Variants in MBP observed in about 807,000 individuals in gnomAD.
MBP encodes the protein myelin basic protein, also known as Golli-MBP.
MBP carries 16 observed loss-of-function variants against 35.8 expected under a neutral mutation model. That is an observed-to-expected ratio of 0.45 (90% CI 0.30 to 0.68). MBP has a LOEUF of 0.68. MBP is among the 30% of genes least tolerant of loss of function. MBP has a pLI of 0.08. For missense variants in MBP, 380 were observed against 404.7 expected (o/e 0.94, Z 0.52); for synonymous variants, 143 against 159.6 (o/e 0.90, Z 0.78).
intron 4 of MBP, among the ~76,000 whole-genome samples, chr18:77,009,265 C>T (rs902777663): frequency 1.4e-4 from 22 of 152,166 alleles, no homozygotes; most frequent in Non-Finnish European, 2.8e-4. Flanking sequence ...TTTGAGAAGC[C>T]GTGGCAGCCA....
intron 3 of MBP, among the ~76,000 whole-genome samples, chr18:77,019,779 T>G (rs115960161): frequency 0.013 from 2,024 of 151,766 alleles, 56 homozygotes; most frequent in African/African-American, 0.047. Flanking sequence ...CTTGGGGAAG[T>G]TGGGGAGGGT....
intron 2 of MBP, among the ~76,000 whole-genome samples, chr18:77,098,280 C>T (rs1351722278): frequency 1.3e-5 from 2 of 150,476 alleles, no homozygotes; most frequent in South Asian, 4.2e-4. Context: ...TGTGGACTCA[C>T]TCACTTTACA....
intron 1 of MBP, among the ~76,000 whole-genome samples, chr18:77,110,851 A>C (rs1976425577): frequency 6.6e-6 from 1 of 152,238 alleles, no homozygotes; most frequent in South Asian, 2.1e-4. Flanking sequence ...AAATCTAACC[A>C]GCAGGATCCA....
intron 3 of MBP, among the ~76,000 whole-genome samples, chr18:77,047,031 T>C (rs1184256878): frequency 6.6e-6 from 1 of 152,160 alleles, no homozygotes; most frequent in Non-Finnish European, 1.5e-5. Flanking sequence ...GGGAATGGTG[T>C]TCGATAAACA....
At chr18:77,067,658 C>T (rs4890887) in intron 2 of MBP, among the ~76,000 whole-genome samples, 2 of 151,960 alleles carry the variant, frequency 1.3e-5, no homozygotes, top group Admixed American at 6.6e-5. Flanking sequence ...CCTGGTGCTA[C>T]CCACCAGCAG....
intron 8 of MBP, chr18:76,981,656 C>G (rs1790899386): frequency 6.6e-6 from 1 of 152,256 alleles, no homozygotes; most frequent in Non-Finnish European, 1.5e-5. Context: ...TGAGATTTCC[C>G]TCCCAAGACA....
intron 4 of MBP, among the ~76,000 whole-genome samples, chr18:77,009,312 C>T (rs1971190465): frequency 6.6e-6 from 1 of 152,234 alleles, no homozygotes; most frequent in Non-Finnish European, 1.5e-5. Context: ...CGATAGCCCA[C>T]TTCCTATGCA....
intron 3 of MBP, among the ~76,000 whole-genome samples, chr18:77,050,229 A>G (rs953071135): frequency 1.3e-5 from 2 of 152,214 alleles, no homozygotes; most frequent in Non-Finnish European, 2.9e-5. Context: ...AAACTTGTTC[A>G]GTTTTGACTC....
intron 2 of MBP, among the ~76,000 whole-genome samples, chr18:77,092,847 T>C (rs1178883194): frequency 6.6e-6 from 1 of 152,164 alleles, no homozygotes; most frequent in Non-Finnish European, 1.5e-5. Context: ...TTACAGTCTG[T>C]GACGATGACG....
chr18:77,087,555 C>G (rs1975302349), intron 2 of MBP: 1 of 152,294 alleles, frequency 6.6e-6, no homozygotes, highest in African/African-American at 2.4e-5. Flanking sequence ...GCACTTCATT[C>G]CTGCACAGGC....
intron 4 of MBP, among the ~76,000 whole-genome samples, chr18:76,991,896 G>T (rs774238893): frequency 6.6e-6 from 1 of 152,214 alleles, no homozygotes; most frequent in Non-Finnish European, 1.5e-5. Flanking sequence ...GGCCTAACTC[G>T]CCCTGAAAAG....
intron 2 of MBP, among the ~76,000 whole-genome samples, chr18:77,071,783 T>C (rs1250014728): frequency 6.6e-6 from 1 of 152,012 alleles, no homozygotes; most frequent in Non-Finnish European, 1.5e-5. Flanking sequence ...AAAATAAAGC[T>C]AGAGAAGCAA....
At chr18:77,045,475 C>G (rs375273113) in intron 3 of MBP, among the ~76,000 whole-genome samples, 1 of 151,626 alleles carries the variant, frequency 6.6e-6, no homozygotes, top group Non-Finnish European at 1.5e-5. Flanking sequence ...GCGGCACCTG[C>G]CTGCACCAGG....
intron 2 of MBP, among the ~76,000 whole-genome samples, chr18:77,077,822 A>G (rs917298352): frequency 2.0e-5 from 3 of 152,254 alleles, no homozygotes; most frequent in African/African-American, 7.2e-5. Flanking sequence ...AATAAGGCAC[A>G]TTATAGAATC....
intron 1 of MBP, chr18:77,127,629 C>G (rs1344138568): frequency 6.6e-6 from 1 of 152,100 alleles, no homozygotes; most frequent in African/African-American, 2.4e-5. Flanking sequence ...AAAATAATCA[C>G]CGAGTGGTAA....
At chr18:77,015,208 C>G (rs185098399) in intron 4 of MBP, 1 of 985,170 alleles carries the variant, frequency 1.0e-6, no homozygotes, top group South Asian at 4.7e-5. Flanking sequence ...TCACATGAAG[C>G]TTATTTTATA....
intron 2 of MBP, among the ~76,000 whole-genome samples, chr18:77,076,477 CCT>C (rs904817729): frequency 1.3e-5 from 2 of 152,240 alleles, no homozygotes; most frequent in African/African-American, 4.8e-5. Flanking sequence ...CCTCAGCTGC[CCT>C]CTGAGAGCAT....
intron 4 of MBP, 85 bp downstream of exon 4, chr18:77,016,747 C>T: frequency 1.9e-6 from 3 of 1,539,974 alleles, no homozygotes; most frequent in Non-Finnish European, 2.6e-6. Flanking sequence ...CGTGCCAGTT[C>T]TTCCTCTAAT....
intron 7 of MBP, chr18:76,985,276 C>T: frequency 1.5e-6 from 2 of 1,320,768 alleles, no homozygotes; most frequent in South Asian, 2.4e-5. Context: ...CTCCTGCCTA[C>T]ACGGGTTTGG....
Sources: gnomAD v4.1 joint callset for allele counts (sites outside exome capture counted in the v4.1 genomes callset) on GRCh38, gnomAD v4.1.1 for gene constraint, MANE v1.5 for transcripts, NCBI Gene and HGNC (gene_info 2026-07-23, HGNC 2026-07-21) for gene names.